Variants in GPM6A observed in about 807,000 individuals in gnomAD.
The protein encoded by GPM6A is glycoprotein M6A, also known as neuronal membrane glycoprotein M6-a.
GPM6A carries 7 observed loss-of-function variants against 32.1 expected under a neutral mutation model. That is an observed-to-expected ratio of 0.22 (90% confidence interval 0.12 to 0.41). GPM6A has a LOEUF of 0.41. Among genes scored for constraint, GPM6A ranks in the 10% least tolerant of loss-of-function variants. The pLI is 1.00. For missense variants in GPM6A, 235 were observed against 347.2 expected, an observed-to-expected ratio of 0.68 and a Z score of 2.57; for synonymous variants, 130 against 123.4, an observed-to-expected ratio of 1.05 and a Z score of -0.35.
At position 175,781,457 on chromosome 4, in the gene GPM6A, T is replaced by C. The variant is rs574522635; in HGVS notation, c.37+30734A>G. Among the ~76,000 whole-genome samples, 14 of 152,300 alleles carry C rather than the reference T, an allele frequency of 9.2e-5. No individual in the cohort carries two copies. The East Asian group carries it at 2.7e-3, about 29-fold the overall frequency. On this transcript the variant is annotated intron_variant, in intron 1 of 6. Transcript: ENST00000393658. ...TGAAATTCCCTCTCAACTTCAACCA[T>C]GTCAAGCTTCCTAAAACCCCTTCCT...
intron 1 of GPM6A, among the ~76,000 whole-genome samples, chr4:175,868,879 C>T (rs1259038435): frequency 6.6e-6 from 1 of 152,196 alleles, no homozygotes; most frequent in Non-Finnish European, 1.5e-5. Context: ...TGCATGACTT[C>T]AGGAAAGTGT....
At chr4:175,702,405 G>A (rs563499194) in intron 1 of GPM6A, among the ~76,000 whole-genome samples, 3 of 152,138 alleles carry the variant, frequency 2.0e-5, no homozygotes, top group South Asian at 2.1e-4. Context: ...CTATGCTATC[G>A]AATACTAGAA....
At chr4:175,958,990 G>A (rs918939439) in intron 1 of GPM6A, among the ~76,000 whole-genome samples, 1 of 152,088 alleles carries the variant, frequency 6.6e-6, no homozygotes, top group African/African-American at 2.4e-5. Context: ...AAATTGCCTG[G>A]AATCCCAGGT....
chr4:175,844,579 T>C (rs1480476378), intron 1 of GPM6A, among the ~76,000 whole-genome samples: 1 of 152,206 alleles, frequency 6.6e-6, no homozygotes, highest in Non-Finnish European at 1.5e-5. Context: ...TTCTCACACA[T>C]AAAACTATTG....
At chr4:175,947,291 C>G (rs538092832) in intron 1 of GPM6A, among the ~76,000 whole-genome samples, 1 of 151,732 alleles carries the variant, frequency 6.6e-6, no homozygotes. Flanking sequence ...ATTAGAAAAT[C>G]TTCCTGTGAT....
rs557775027 is a variant in GPM6A at position 175,672,057 on chromosome 4, A to G, written c.387+1623T>C. On this transcript the variant is annotated intron_variant, in intron 3 of 6. Transcript: ENST00000393658. ...AAAATTCCTATTTGAAATACCTTTAAGATGCTTGAATGGCAGGCAGATAAC... is the reference window on the plus strand; with the variant it reads ...AAAATTCCTATTTGAAATACCTTTAGGATGCTTGAATGGCAGGCAGATAAC... Among the ~76,000 whole-genome samples the G allele has an allele frequency of 2.6e-5, 4 of 151,844 alleles. No homozygotes were observed. The South Asian group carries it at 8.3e-4, about 32-fold the overall frequency.
At chr4:175,801,598 T>A (rs948207333) in intron 1 of GPM6A, among the ~76,000 whole-genome samples, 17 of 152,124 alleles carry the variant, frequency 1.1e-4, no homozygotes, top group Non-Finnish European at 1.9e-4. Flanking sequence ...GACCAGTGGA[T>A]ATGATACATT....
At chr4:175,946,119 CT>C (rs1561006142) in intron 1 of GPM6A, among the ~76,000 whole-genome samples, 2 of 151,876 alleles carry the variant, frequency 1.3e-5, no homozygotes, top group Admixed American at 6.6e-5. Flanking sequence ...CTTGTACCCC[CT>C]AAATCTATAA....
At chr4:175,697,398 A>G (rs1381261275) in intron 2 of GPM6A, among the ~76,000 whole-genome samples, 2 of 152,034 alleles carry the variant, frequency 1.3e-5, no homozygotes, top group African/African-American at 4.8e-5. Flanking sequence ...CTGAATCACA[A>G]TTTTTCTGAT....
intron 1 of GPM6A, among the ~76,000 whole-genome samples, chr4:175,718,777 C>T (rs183414033): frequency 4.5e-4 from 68 of 152,194 alleles, no homozygotes; most frequent in African/African-American, 1.4e-3. Context: ...CTCCACTACA[C>T]GATTAAATAC....
intron 1 of GPM6A, among the ~76,000 whole-genome samples, chr4:175,898,418 G>T (rs562409773): frequency 6.6e-6 from 1 of 152,224 alleles, no homozygotes; most frequent in Non-Finnish European, 1.5e-5. Context: ...GTCTCAGAGG[G>T]TTTGTTTATG....
At chr4:175,865,691 C>T (rs895394624) in intron 1 of GPM6A, among the ~76,000 whole-genome samples, 1 of 152,076 alleles carries the variant, frequency 6.6e-6, no homozygotes, top group East Asian at 1.9e-4. Context: ...GATGCTATTA[C>T]AATTGGTAGT....
At position 175,719,607 on chromosome 4, in the gene GPM6A, T is replaced by C. The variant is rs544555979; in HGVS notation, c.38-17840A>G. On this transcript the variant is annotated intron_variant, in intron 1 of 6. Transcript: ENST00000393658. Reference sequence around the variant, plus strand: ...AAATGGGTATGTAACAATTAATTTGTTACAATGTCAGAAACAAATTGCCAC... The same window carrying C: ...AAATGGGTATGTAACAATTAATTTGCTACAATGTCAGAAACAAATTGCCAC... Among the ~76,000 whole-genome samples the C allele has an allele frequency of 5.9e-4, 90 of 152,250 alleles. 2 individuals carry two copies. Among genetic ancestry groups the C allele is most frequent in the Middle Eastern group, 3.4e-3 (1 of 294 alleles).
At chr4:175,725,383 T>C (rs1333487234) in intron 1 of GPM6A, among the ~76,000 whole-genome samples, 1 of 151,668 alleles carries the variant, frequency 6.6e-6, no homozygotes, top group Admixed American at 6.6e-5. Context: ...CCTCCACCTC[T>C]TGGGCTCAAG....
intron 1 of GPM6A, among the ~76,000 whole-genome samples, chr4:175,713,679 T>C (rs1408282194): frequency 1.3e-5 from 2 of 152,174 alleles, no homozygotes; most frequent in Non-Finnish European, 2.9e-5. Context: ...GTGTTTATCT[T>C]AAACATTGTA....
chr4:175,734,488 G>A (rs1232428328), intron 1 of GPM6A, among the ~76,000 whole-genome samples: 1 of 151,918 alleles, frequency 6.6e-6, no homozygotes, highest in African/African-American at 2.4e-5. Context: ...TTGAACGTTT[G>A]GTCTCAGTCT....
Position 175,637,528 on chromosome 4 carries a change from T to G in GPM6A, c.685-2471A>C, listed in dbSNP as rs1436429634. On this transcript the variant is annotated intron_variant, in intron 6 of 6. Transcript: ENST00000393658. Reference sequence around the variant, plus strand: ...TAAAACCTTTATATTTTTATATATATAAAAATATACAATATATTATATATT... The same window carrying G: ...TAAAACCTTTATATTTTTATATATAGAAAAATATACAATATATTATATATT... Among the ~76,000 whole-genome samples the G allele has an allele frequency of 4.2e-5, 4 of 94,432 alleles. No homozygotes were observed. In the East Asian group the frequency reaches 8.1e-4, roughly 19 times the overall value. The allele number at this position is 94,432 out of a possible 152,430, so 62.0% of individuals were successfully genotyped here. A position where few individuals can be genotyped will look rare whatever the true frequency, so the allele number is the denominator to read the frequency against.
chr4:175,686,056 A>G (rs1047019138), intron 2 of GPM6A, among the ~76,000 whole-genome samples: 10 of 152,164 alleles, frequency 6.6e-5, no homozygotes, highest in Admixed American at 3.3e-4. Flanking sequence ...GATTCTTCCC[A>G]TGGCAAAAAG....
chr4:175,997,058 A>T (rs1741330639), intron 1 of GPM6A, among the ~76,000 whole-genome samples: 1 of 152,028 alleles, frequency 6.6e-6, no homozygotes, highest in African/African-American at 2.4e-5. Flanking sequence ...CTCGTAGTCA[A>T]CAGCTGGCAT....
Sources: gnomAD v4.1 joint callset for allele counts (sites outside exome capture counted in the v4.1 genomes callset) on GRCh38, gnomAD v4.1.1 for gene constraint, MANE v1.5 for transcripts, NCBI Gene and HGNC (gene_info 2026-07-23, HGNC 2026-07-21) for gene names.